The following RPH3AL variants were observed in gnomAD, a reference collection of about 807,000 sequenced individuals.
RPH3AL encodes the protein rab effector Noc2.
RPH3AL carries 38 observed loss-of-function variants against 43.1 expected under a neutral mutation model. The observed-to-expected ratio is 0.88, with a 90% CI of 0.68 to 1.15. The LOEUF is 1.15. Ranked by LOEUF, RPH3AL falls within the 50% of genes most tolerant of loss-of-function variation. RPH3AL has a pLI of 0.00. For missense variants in RPH3AL, 462 were observed against 423.2 expected, an observed-to-expected ratio of 1.09 and a Z score of -0.81; for synonymous variants, 189 against 176.3, an observed-to-expected ratio of 1.07 and a Z score of -0.57.
chr17:319,786 G>C (rs371608130), intron 4 of RPH3AL, among the ~76,000 whole-genome samples: 114 of 146,632 alleles, frequency 7.8e-4, no homozygotes, highest in African/African-American at 2.7e-3. Flanking sequence ...GACAGACATG[G>C]TCCCTGTTCT....
chr17:327,503 A>G lies in RPH3AL; in HGVS notation c.41T>C (p.Val14Ala), dbSNP rs745689856. ...TIFGSGNDQWVCPNDRQLALR... is the reference protein window; with the variant it reads ...TIFGSGNDQWACPNDRQLALR... ...GGCAAGCTGCCGGTCATTGGGGCAA[A>G]CCCACTGATCATTCCCGCTGCCGAA... Residue 14 changes from valine to alanine, a missense_variant, in exon 3 of 10, where the codon GTT (valine) becomes GCT (alanine). Coordinates refer to ENST00000331302, the MANE Select transcript of RPH3AL (RefSeq NM_006987.4). 2 of 1,613,918 alleles carry G rather than the reference A, an allele frequency of 1.2e-6. No individual in the cohort carries two copies. The highest frequency in any genetic ancestry group is 1.7e-6 in the Non-Finnish European group (2 of 1,179,950).
rs895262226 is a variant in RPH3AL, at chr17:276,482, C to G, written c.438+5286G>C. ...TCTCAGCCCACTGCCACCTCCACCC[C>G]CCGGGCAGAAGTGATCCTCCCGCCT... On this transcript the variant is annotated intron_variant, in intron 6 of 9. Transcript: ENST00000331302. Among the ~76,000 whole-genome samples the G allele has an allele frequency of 8.5e-5, 13 of 152,222 alleles. No homozygotes were observed. In the South Asian group the frequency reaches 2.5e-3, roughly 29 times the overall value.
chr17:258,793 C>G (rs1407657285), intron 6 of RPH3AL, among the ~76,000 whole-genome samples: 1 of 142,984 alleles, frequency 7.0e-6, no homozygotes, highest in Non-Finnish European at 1.5e-5. Context: ...CAGGGTCTCA[C>G]TCTGTTGCCC....
At chr17:304,103 AG>A (rs1299128049) in intron 5 of RPH3AL, among the ~76,000 whole-genome samples, 1 of 4,860 alleles carries the variant, frequency 2.1e-4, no homozygotes, top group South Asian at 0.25. Context: ...ATGGGGAGGG[AG>A]GGAGGCTGTA....
intron 5 of RPH3AL, among the ~76,000 whole-genome samples, chr17:284,594 G>A (rs766526961): frequency 2.6e-5 from 4 of 152,084 alleles, no homozygotes; most frequent in Non-Finnish European, 4.4e-5. Context: ...TCTCCCAGTG[G>A]GGAGGGGAGA....
intron 1 of RPH3AL, among the ~76,000 whole-genome samples, chr17:345,892 T>C (rs1178445454): frequency 7.4e-6 from 1 of 134,826 alleles, no homozygotes; most frequent in African/African-American, 2.5e-5. Context: ...CACCCCGACT[T>C]TGCACTGTAA....
chr17:298,015 C>T (rs2043225241), intron 5 of RPH3AL, among the ~76,000 whole-genome samples: 1 of 152,168 alleles, frequency 6.6e-6, no homozygotes, highest in South Asian at 2.1e-4. Context: ...GCCCACCACG[C>T]CAGCCCCACA....
chr17:219,192 C>CTTTTTTTTT lies in RPH3AL; in HGVS notation c.727+422_727+430dup, dbSNP rs796389217. ...CCTGGGGCTTTGGAAATAAACAGCA[C>CTTTTTTTTT]TTTTTTTTTTTTTTTTTTTTTTTTT... On this transcript the variant is annotated intron_variant, in intron 8 of 9. Coordinates refer to ENST00000331302, the MANE Select transcript of RPH3AL (RefSeq NM_006987.4). 1.0e-3 allele frequency among the ~76,000 whole-genome samples: 60 copies of CTTTTTTTTT among 57,998 alleles called. 5 individuals are homozygous for CTTTTTTTTT. The highest frequency in any genetic ancestry group is 2.2e-3 in the African/African-American group (28 of 12,786). The allele number at this position is 57,998 out of a possible 152,430, so 38.0% of individuals were successfully genotyped here.
intron 6 of RPH3AL, among the ~76,000 whole-genome samples, chr17:280,761 CAAGA>C (rs1368922094): frequency 6.6e-6 from 1 of 152,030 alleles, no homozygotes; most frequent in Non-Finnish European, 1.5e-5. Context: ...AAGAAATAAA[CAAGA>C]AAGAGCAGTT....
chr17:255,830 T>A (rs868926414), intron 6 of RPH3AL, among the ~76,000 whole-genome samples: 78 of 43,732 alleles, frequency 1.8e-3, no homozygotes, highest in Non-Finnish European at 2.8e-3. Context: ...GTGACTACCC[T>A]ACGTACTTCC....
intron 2 of RPH3AL, chr17:332,793 G>A (rs546599397): frequency 4.9e-5 from 16 of 324,884 alleles, no homozygotes; most frequent in Non-Finnish European, 9.8e-5. Flanking sequence ...CCTCTGGGAA[G>A]CTGAGACCTC....
chr17:236,604 C>T (rs1304017452), intron 7 of RPH3AL, among the ~76,000 whole-genome samples: 2 of 152,216 alleles, frequency 1.3e-5, no homozygotes, highest in Admixed American at 6.5e-5. Context: ...GCAGAGCGGG[C>T]GTCGGGAGCA....
chr17:327,611 G>A, intron 2 of RPH3AL, 32 bp from the exon 3 acceptor site: 1 of 1,437,448 alleles, frequency 7.0e-7, no homozygotes, highest in Non-Finnish European at 9.7e-7. Flanking sequence ...GAAAGAGTGT[G>A]CATCATTGGC....
chr17:279,619 C>T (rs2042732014), intron 6 of RPH3AL, among the ~76,000 whole-genome samples: 1 of 152,116 alleles, frequency 6.6e-6, no homozygotes, highest in Non-Finnish European at 1.5e-5. Context: ...ATTAAACTTG[C>T]TAAATTTGTC....
At chr17:291,222 A>G (rs9913719) in intron 5 of RPH3AL, among the ~76,000 whole-genome samples, 148,551 of 152,198 alleles carry the variant, frequency 0.98, 72,592 homozygotes, top group East Asian at 1. Context: ...AGAGTGTCCC[A>G]TTGAACGGAG....
chr17:314,379 G>C (rs535783535), intron 5 of RPH3AL, among the ~76,000 whole-genome samples: 1 of 144,966 alleles, frequency 6.9e-6, no homozygotes. Flanking sequence ...CCCGAGTCCT[G>C]CAAGTTGGCC....
chr17:276,481 C>T (rs536891436), intron 6 of RPH3AL, among the ~76,000 whole-genome samples: 107 of 152,340 alleles, frequency 7.0e-4, no homozygotes, highest in African/African-American at 2.5e-3. Flanking sequence ...CACCTCCACC[C>T]CCCGGGCAGA....
intron 6 of RPH3AL, among the ~76,000 whole-genome samples, chr17:275,112 T>C (rs904096235): frequency 6.6e-6 from 1 of 151,948 alleles, no homozygotes; most frequent in Admixed American, 6.6e-5. Context: ...CCAATAGAGT[T>C]GAATGTGGAC....
chr17:251,858 AC>A (rs1555542678), intron 6 of RPH3AL, among the ~76,000 whole-genome samples: 13 of 151,558 alleles, frequency 8.6e-5, no homozygotes, highest in Non-Finnish European at 1.3e-4. Context: ...GGCCTGGGGG[AC>A]CCCAAATGAA....
Sources: gnomAD v4.1 joint callset for allele counts (sites outside exome capture counted in the v4.1 genomes callset) on GRCh38, gnomAD v4.1.1 for gene constraint, MANE v1.5 for transcripts, NCBI Gene and HGNC (gene_info 2026-07-23, HGNC 2026-07-21) for gene names.